The following ARHGAP26 variants were observed in gnomAD, a reference collection of about 807,000 sequenced individuals.
ARHGAP26 encodes the protein rho GTPase-activating protein 26.
A neutral mutation model predicts 104.8 loss-of-function variants in ARHGAP26; 38 were observed. That is an observed-to-expected ratio of 0.36 (90% CI 0.28 to 0.48). The LOEUF is 0.48. Among genes scored for constraint, ARHGAP26 ranks in the 20% least tolerant of loss-of-function variants. The probability of loss-of-function intolerance (pLI) is 0.99; values close to 1 mark genes in which losing one functional copy is unlikely to be tolerated. For synonymous variants in ARHGAP26, 341 were observed against 340.0 expected, an observed-to-expected ratio of 1.00 and a Z score of -0.03; for missense variants, 704 against 947.9, an observed-to-expected ratio of 0.74 and a Z score of 3.38.
chr5:142,898,684 T>C (rs1441068783), intron 6 of ARHGAP26, among the ~76,000 whole-genome samples: 1 of 152,214 alleles, frequency 6.6e-6, no homozygotes, highest in African/African-American at 2.4e-5. Context: ...ATTACATGGA[T>C]GATCTGAATT....
chr5:143,014,456 A>G (rs1779319746), intron 12 of ARHGAP26: 4 of 264,358 alleles, frequency 1.5e-5, no homozygotes, highest in Admixed American at 5.0e-5. Context: ...ACAATACTCA[A>G]CTCCTGGAGA....
Position 143,207,297 on chromosome 5 carries a change from A to C in ARHGAP26, c.2088A>C (p.Ser696=), listed in dbSNP as rs755481989. The change falls in exon 21 of 23, where the codon TCA becomes TCC. Residue 696 remains serine (S), a synonymous_variant. Transcript: ENST00000645722. ...CCACCTCATCCACGTCCAGCGACTCATCCCCCGTCAGGTCTGTTGCAGGGT... is the reference window on the plus strand; with the variant it reads ...CCACCTCATCCACGTCCAGCGACTCCTCCCCCGTCAGGTCTGTTGCAGGGT... ...PMPTSSTSSD[S]SPVSTPFRKA... is the part of the protein sequence containing the mutation. 6.2e-7 allele frequency: 1 copy of C among 1,613,850 alleles called. No homozygotes were observed. Among genetic ancestry groups the C allele is most frequent in the Admixed American group, 1.7e-5 (1 of 60,014 alleles).
At chr5:143,050,345 CT>C (rs1784831438) in intron 14 of ARHGAP26, among the ~76,000 whole-genome samples, 1 of 151,170 alleles carries the variant, frequency 6.6e-6, no homozygotes, top group African/African-American at 2.4e-5. Flanking sequence ...TGTTCTTCTT[CT>C]TCTTTTTTTT....
chr5:142,906,193 A>G (rs1333566460), intron 8 of ARHGAP26, among the ~76,000 whole-genome samples: 1 of 152,166 alleles, frequency 6.6e-6, no homozygotes, highest in Non-Finnish European at 1.5e-5. Context: ...CCTGCCCCTC[A>G]GTGGTGATGT....
intron 12 of ARHGAP26, among the ~76,000 whole-genome samples, chr5:143,034,306 T>A (rs1782310723): frequency 6.6e-6 from 1 of 152,180 alleles, no homozygotes; most frequent in Non-Finnish European, 1.5e-5. Context: ...CAGATGTTCA[T>A]AGTAACATTA....
At position 142,902,949 on chromosome 5, in the gene ARHGAP26, G is replaced by A. The variant is rs184290532; in HGVS notation, c.703-591G>A. The stretch of plus-strand genomic sequence containing the variant: ...GAGGGGGAAATAGAGCTGTGATGCA[G>A]ATGCAGCAGAGGTCTCAGTGCAGGG... On this transcript the variant is annotated intron_variant, in intron 7 of 22. Transcript: ENST00000645722. 1.8e-4 allele frequency among the ~76,000 whole-genome samples: 28 copies of A among 152,322 alleles called. No individual in the cohort carries two copies. In the South Asian group the frequency reaches 5.0e-3, roughly 27 times the overall value.
chr5:142,878,443 G>C (rs1006669749), intron 3 of ARHGAP26, among the ~76,000 whole-genome samples: 2 of 152,156 alleles, frequency 1.3e-5, no homozygotes, highest in African/African-American at 4.8e-5. Flanking sequence ...AAATATGTTT[G>C]AGTGCTGCTT....
At chr5:142,885,660 C>G (rs1757597277) in intron 5 of ARHGAP26, among the ~76,000 whole-genome samples, 1 of 152,092 alleles carries the variant, frequency 6.6e-6, no homozygotes, top group African/African-American at 2.4e-5. Flanking sequence ...GTTGGGCTGC[C>G]CTGATTGCTA....
At chr5:142,957,141 G>C (rs1769387089) in intron 11 of ARHGAP26, among the ~76,000 whole-genome samples, 1 of 152,178 alleles carries the variant, frequency 6.6e-6, no homozygotes, top group South Asian at 2.1e-4. Flanking sequence ...CACTTGAAAA[G>C]AGTGATTTGA....
At chr5:142,902,800 C>T (rs138117585) in intron 7 of ARHGAP26, among the ~76,000 whole-genome samples, 1 of 152,164 alleles carries the variant, frequency 6.6e-6, no homozygotes, top group Admixed American at 6.5e-5. Context: ...GCATGGCTTC[C>T]CCTTAGGCCA....
intron 17 of ARHGAP26, among the ~76,000 whole-genome samples, chr5:143,090,455 A>G (rs73300571): frequency 0.098 from 14,903 of 152,170 alleles, 1,366 homozygotes; most frequent in East Asian, 0.37. Flanking sequence ...TAGCTATCTC[A>G]GTCGTGTCAT....
intron 1 of ARHGAP26, among the ~76,000 whole-genome samples, chr5:142,820,712 T>C (rs1765992709): frequency 6.6e-6 from 1 of 152,336 alleles, no homozygotes; most frequent in Middle Eastern, 3.4e-3. Flanking sequence ...TTCTTTTGAA[T>C]GGATCTTGAT....
chr5:143,149,659 C>G (rs187556996), intron 20 of ARHGAP26, among the ~76,000 whole-genome samples: 3 of 152,160 alleles, frequency 2.0e-5, no homozygotes, highest in Non-Finnish European at 2.9e-5. Context: ...TCACCTGAGA[C>G]GACTTGGGTC....
At chr5:142,927,030 G>A (rs376997471) in intron 10 of ARHGAP26, among the ~76,000 whole-genome samples, 3 of 152,092 alleles carry the variant, frequency 2.0e-5, no homozygotes, top group African/African-American at 2.4e-5. Context: ...TAAAACATAG[G>A]TAATAAGAGT....
intron 4 of ARHGAP26, among the ~76,000 whole-genome samples, chr5:142,883,198 T>C (rs1261085294): frequency 6.6e-6 from 1 of 152,216 alleles, no homozygotes; most frequent in African/African-American, 2.4e-5. Context: ...AGAATGCCAG[T>C]GACTCATGTT....
chr5:143,003,775 A>C (rs887951539), intron 11 of ARHGAP26, among the ~76,000 whole-genome samples: 1 of 152,098 alleles, frequency 6.6e-6, no homozygotes, highest in African/African-American at 2.4e-5. Flanking sequence ...TAATACTCTC[A>C]TAAGTATTAT....
chr5:142,963,164 G>C, intron 11 of ARHGAP26, among the ~76,000 whole-genome samples: 1 of 75,506 alleles, frequency 1.3e-5, no homozygotes, highest in African/African-American at 5.2e-5. Context: ...GTATTCCATG[G>C]TATATATGTA....
intron 8 of ARHGAP26, among the ~76,000 whole-genome samples, chr5:142,906,907 T>G (rs935348245): frequency 6.6e-6 from 1 of 152,190 alleles, no homozygotes; most frequent in Non-Finnish European, 1.5e-5. Flanking sequence ...TGCTGTGTGA[T>G]CTCCATAAGC....
chr5:143,100,264 T>C (rs1468518779), intron 17 of ARHGAP26, among the ~76,000 whole-genome samples: 2 of 152,162 alleles, frequency 1.3e-5, no homozygotes, highest in Non-Finnish European at 2.9e-5. Flanking sequence ...TCCACACAAA[T>C]ACTCATCCTA....
Sources: gnomAD v4.1 joint callset for allele counts (sites outside exome capture counted in the v4.1 genomes callset) on GRCh38, gnomAD v4.1.1 for gene constraint, MANE v1.5 for transcripts, NCBI Gene and HGNC (gene_info 2026-07-23, HGNC 2026-07-21) for gene names.